The following MGA variants were observed in gnomAD, a reference collection of about 807,000 sequenced individuals.
MGA encodes the protein MAX gene-associated protein.
In MGA, 40 loss-of-function variants were observed where a neutral mutation model predicts 261.1. The observed-to-expected ratio is 0.15, with a 90% CI of 0.12 to 0.20. The LOEUF is 0.20. MGA is among the 10% of genes least tolerant of loss of function. MGA has a pLI of 1.00. For synonymous variants in MGA, 1,302 were observed against 1,290.6 expected, an observed-to-expected ratio of 1.01 and a Z score of -0.19; for missense variants, 3,397 against 3,630.5, an observed-to-expected ratio of 0.94 and a Z score of 1.65.
At chr15:41,666,532 G>A (rs188452367) in intron 1 of MGA, among the ~76,000 whole-genome samples, 1 of 152,276 alleles carries the variant, frequency 6.6e-6, no homozygotes. Flanking sequence ...CTTATATTAT[G>A]CAGTAGACTC....
intron 3 of MGA, among the ~76,000 whole-genome samples, chr15:41,698,113 T>G (rs1453288047): frequency 1.4e-5 from 2 of 146,204 alleles, no homozygotes; most frequent in African/African-American, 5.1e-5. Context: ...CTCGTGATCC[T>G]CCTGCCTCAG....
chr15:41,694,620 A>G (rs913514417), intron 2 of MGA, among the ~76,000 whole-genome samples: 16 of 149,468 alleles, frequency 1.1e-4, no homozygotes, highest in Non-Finnish European at 2.4e-4. Flanking sequence ...TCCGCCTCCC[A>G]GGTTCACACC....
At chr15:41,666,967 A>C (rs1250429475) in intron 1 of MGA, among the ~76,000 whole-genome samples, 3 of 152,190 alleles carry the variant, frequency 2.0e-5, no homozygotes, top group African/African-American at 7.2e-5. Context: ...TGATATTTTC[A>C]AGTTGCCCTC....
At chr15:41,698,442 G>A (rs1429336747) in intron 3 of MGA, among the ~76,000 whole-genome samples, 7 of 151,872 alleles carry the variant, frequency 4.6e-5, no homozygotes, top group African/African-American at 1.7e-4. Flanking sequence ...TGGGATTATA[G>A]GCGTGAGCCA....
intron 9 of MGA, among the ~76,000 whole-genome samples, chr15:41,717,779 C>G (rs931888694): frequency 6.6e-6 from 1 of 152,128 alleles, no homozygotes; most frequent in African/African-American, 2.4e-5. Context: ...CATAAGAAGA[C>G]TTTACAAGAA....
At chr15:41,716,275 G>A (rs796286682) in intron 9 of MGA, among the ~76,000 whole-genome samples, 22 of 150,902 alleles carry the variant, frequency 1.5e-4, no homozygotes, top group Middle Eastern at 3.4e-3. Flanking sequence ...GTGAAACCCC[G>A]TCTCTACTAA....
In MGA at chr15:41,750,093, A is replaced by G; in HGVS notation, c.6486A>G (p.Glu2162=). The G allele has an allele frequency of 6.2e-7, 1 of 1,613,350 alleles. No individual in the cohort carries two copies. The highest frequency in any genetic ancestry group is 8.5e-7 in the Non-Finnish European group (1 of 1,179,710). The change falls in exon 17 of 24, where the codon GAA becomes GAG. Residue 2162 remains glutamate, a synonymous_variant. Transcript: ENST00000219905. ...TACAGCCAGAGGCCAAAGAGAAGGA[A>G]TGTGGAGACTCTCTGGAGAAAGACA...
chr15:41,727,591 A>G lies in MGA; in HGVS notation c.3657+185A>G, dbSNP rs193066127. ...CACTTTAAAAATGTCTTAAAAGTAGAAATGAGTAGTAGTAATTTTAAAAAA... is the reference window on the plus strand; with the variant it reads ...CACTTTAAAAATGTCTTAAAAGTAGGAATGAGTAGTAGTAATTTTAAAAAA... On this transcript the variant is annotated intron_variant, in intron 10 of 23. Coordinates refer to ENST00000219905, the MANE Select transcript of MGA (RefSeq NM_001164273.2). 4.1e-4 allele frequency among the ~76,000 whole-genome samples: 62 copies of G among 152,354 alleles called. No homozygotes were observed. The East Asian group carries it at 0.01, about 25-fold the overall frequency.
chr15:41,683,923 A>C (rs1404381232), intron 2 of MGA, among the ~76,000 whole-genome samples: 1 of 152,010 alleles, frequency 6.6e-6, no homozygotes, highest in Non-Finnish European at 1.5e-5. Context: ...TTTTTTAAAA[A>C]AAATTATTTT....
chr15:41,762,331 G>T lies in MGA; in HGVS notation c.7713G>T (p.Leu2571Phe). The change falls in exon 22 of 24, where the codon TTG becomes TTT. Residue 2571 changes from leucine to phenylalanine, a missense_variant. Leu to Phe is a conservative substitution (Grantham distance 22). Around this residue, in one of 9 missense-constraint regions of MGA, gnomAD observed 647 missense variants for 642.4 expected, o/e 1.01. Transcript: ENST00000219905. ...TAAATAACAGGAGGGGGAAACCTTT[G>T]ATTCTTTCCAGAAAAAAAGACCAGG... 1.2e-6 allele frequency: 2 copies of T among 1,613,576 alleles called. No individual in the cohort carries two copies. The highest frequency in any genetic ancestry group is 2.2e-5 in the South Asian group (2 of 91,008).
chr15:41,628,729 T>C (rs2056519007), intron 1 of MGA, among the ~76,000 whole-genome samples: 1 of 152,156 alleles, frequency 6.6e-6, no homozygotes, highest in Admixed American at 6.5e-5. Flanking sequence ...TGTAGAGCCT[T>C]GCAGGCCATG....
At chr15:41,758,879 C>T (rs1219320379) in intron 19 of MGA, among the ~76,000 whole-genome samples, 1 of 152,040 alleles carries the variant, frequency 6.6e-6, no homozygotes, top group Admixed American at 6.6e-5. Flanking sequence ...AGAAACTGCA[C>T]AGGACAGGAA....
chr15:41,672,179 G>A (rs796522010), intron 2 of MGA, among the ~76,000 whole-genome samples: 6 of 152,296 alleles, frequency 3.9e-5, no homozygotes, highest in African/African-American at 1.4e-4. Flanking sequence ...TTTCGAGATA[G>A]TGTATGGCTC....
chr15:41,638,032 CTTTTTTTTTTT>C (rs56390631), intron 1 of MGA, among the ~76,000 whole-genome samples: 9 of 42,968 alleles, frequency 2.1e-4, no homozygotes, highest in African/African-American at 3.9e-4. Context: ...CTGTGCCCAG[CTTTTTTTTTTT>C]TTTTTTTTTT....
At chr15:41,745,185 AT>A (rs1934964504) in intron 15 of MGA, among the ~76,000 whole-genome samples, 1 of 149,792 alleles carries the variant, frequency 6.7e-6, no homozygotes, top group Non-Finnish European at 1.5e-5. Context: ...CTGGCTGTAA[AT>A]GTGTTTTTAA....
At chr15:41,638,769 C>T (rs2056763179) in intron 1 of MGA, among the ~76,000 whole-genome samples, 1 of 149,618 alleles carries the variant, frequency 6.7e-6, no homozygotes, top group Admixed American at 6.7e-5. Flanking sequence ...TGGCTCACTG[C>T]AACCTCTGCC....
At chr15:41,629,604 C>T (rs1328687792) in intron 1 of MGA, among the ~76,000 whole-genome samples, 2 of 151,872 alleles carry the variant, frequency 1.3e-5, no homozygotes, top group African/African-American at 4.8e-5. Flanking sequence ...GGTGGTGTGC[C>T]TGTGGCCCCA....
In MGA at chr15:41,742,556, C is replaced by T; in HGVS notation, c.4596C>T (p.Pro1532=). Residue 1532 remains proline, a synonymous_variant, in exon 15 of 24, where the codon CCC becomes CCT. Transcript: ENST00000219905. ...AATTTCTGTTTGCAGCGGCTCGACC[C>T]TCTCCTGGTGGTGTGTTCACACAGT... 6.2e-7 allele frequency: 1 copy of T among 1,612,024 alleles called. No homozygotes were observed. Among genetic ancestry groups the T allele is most frequent in the Non-Finnish European group, 8.5e-7 (1 of 1,178,576 alleles).
chr15:41,712,065 T>G (rs537851330), intron 8 of MGA, among the ~76,000 whole-genome samples: 1 of 152,254 alleles, frequency 6.6e-6, no homozygotes, highest in East Asian at 1.9e-4. Flanking sequence ...AGAGAAACCT[T>G]TATCTTTTGT....
Sources: allele counts gnomAD v4.1 joint callset (sites outside exome capture counted in the v4.1 genomes callset), GRCh38; gene constraint gnomAD v4.1.1; regional missense constraint gnomAD v4.1.1; transcripts MANE v1.5; gene names NCBI Gene and HGNC (gene_info 2026-07-23, HGNC 2026-07-21).